ARID1B: variants seen among roughly 807,000 people sequenced by gnomAD.
ARID1B encodes AT-rich interactive domain-containing protein 1B.
A neutral mutation model predicts 212.3 loss-of-function variants in ARID1B; 30 were observed. The observed-to-expected ratio is 0.14, with a 90% confidence interval of 0.11 to 0.19. The LOEUF (loss-of-function observed/expected upper bound fraction) is 0.19. Among genes scored for constraint, ARID1B ranks in the 10% least tolerant of loss-of-function variants. The probability of loss-of-function intolerance (pLI) is 1.00; values close to 1 mark genes in which losing one functional copy is unlikely to be tolerated. For synonymous variants in ARID1B, 1,402 were observed against 1,301.7 expected, an observed-to-expected ratio of 1.08 and a Z score of -1.66; for missense variants, 2,891 against 3,204.0, an observed-to-expected ratio of 0.90 and a Z score of 2.36.
At chr6:157,178,419 C>A (rs1218799306) in intron 11 of ARID1B, among the ~76,000 whole-genome samples, 1 of 152,142 alleles carries the variant, frequency 6.6e-6, no homozygotes, top group East Asian at 1.9e-4. Flanking sequence ...GCAAAACATA[C>A]AGTTTTACAC....
At chr6:157,060,888 A>T (rs1344603480) in intron 4 of ARID1B, among the ~76,000 whole-genome samples, 1 of 152,038 alleles carries the variant, frequency 6.6e-6, no homozygotes, top group African/African-American at 2.4e-5. Context: ...ATCTGTGGTT[A>T]GTTAACTCAC....
At chr6:157,105,624 T>C (rs943142967) in intron 5 of ARID1B, among the ~76,000 whole-genome samples, 7 of 152,114 alleles carry the variant, frequency 4.6e-5, no homozygotes, top group African/African-American at 1.7e-4. Context: ...TTTTTTGAGA[T>C]GGAGTCTTGC....
intron 4 of ARID1B, among the ~76,000 whole-genome samples, chr6:156,961,142 C>T (rs947372034): frequency 3.3e-5 from 5 of 152,186 alleles, no homozygotes; most frequent in Non-Finnish European, 7.4e-5. Context: ...ACAGCTTACT[C>T]CAGAAAGAAG....
chr6:157,037,258 C>T (rs901162315), intron 4 of ARID1B, among the ~76,000 whole-genome samples: 2 of 152,178 alleles, frequency 1.3e-5, no homozygotes, highest in African/African-American at 2.4e-5. Context: ...ATTTATTAAA[C>T]GTCCCCGCTT....
chr6:156,877,075 T>C (rs1397623189), intron 2 of ARID1B, among the ~76,000 whole-genome samples: 1 of 152,088 alleles, frequency 6.6e-6, no homozygotes, highest in Non-Finnish European at 1.5e-5. Flanking sequence ...TTCTGGCCAA[T>C]ATACTCTCAA....
intron 8 of ARID1B, among the ~76,000 whole-genome samples, chr6:157,156,508 A>G (rs1176824129): frequency 1.3e-5 from 2 of 152,246 alleles, no homozygotes; most frequent in Non-Finnish European, 2.9e-5. Flanking sequence ...ATCAAATCAA[A>G]AAGTAGTAAA....
chr6:156,825,777 T>TC (rs1782698301), intron 1 of ARID1B, among the ~76,000 whole-genome samples: 1 of 152,240 alleles, frequency 6.6e-6, no homozygotes. Flanking sequence ...ACTCAGCCTC[T>TC]CCATAGGTCC....
At chr6:156,866,130 T>C (rs1408910678) in intron 2 of ARID1B, among the ~76,000 whole-genome samples, 1 of 152,182 alleles carries the variant, frequency 6.6e-6, no homozygotes, top group Non-Finnish European at 1.5e-5. Flanking sequence ...ACCTTTCTTA[T>C]TGGTCCAGCC....
rs878853084 is a variant in ARID1B, at chr6:156,778,948, C to T, written c.1268C>T (p.Ala423Val). ...GAGGAGAGAV[A>V]AAAAAAAAAA... ...GGAGGAGCAGGAGCGGGAGCTGTGG[C>T]GGCGGCGGCCGCGGCGGCGGCGGCA... The change falls in exon 1 of 20, where the codon GCG (alanine) becomes GTG (valine). Residue 423 changes from alanine (A) to valine (V), a missense_variant. By Grantham distance (64) the Ala-to-Val change is moderately conservative. This residue lies in a region of ARID1B where 1,643 missense variants were observed against 1,544.0 expected (regional missense o/e 1.06). Coordinates refer to ENST00000636930, the MANE Select transcript of ARID1B (RefSeq NM_001374828.1). The T allele has an allele frequency of 2.2e-5, 28 of 1,282,842 alleles. No homozygotes were observed. Among genetic ancestry groups the T allele is most frequent in the Admixed American group, 4.2e-5 (1 of 23,648 alleles). The allele number at this position is 1,282,842 out of a possible 1,614,324, so 79.5% of individuals were successfully genotyped here. A position where few individuals can be genotyped will look rare whatever the true frequency, so the allele number is the denominator to read the frequency against.
chr6:157,186,026 T>C (rs1047590582), intron 13 of ARID1B: 2 of 153,990 alleles, frequency 1.3e-5, no homozygotes, highest in South Asian at 2.0e-4. Context: ...AAACTATTTT[T>C]CCAAAATAAA....
chr6:156,954,981 C>T (rs960152718), intron 4 of ARID1B, among the ~76,000 whole-genome samples: 7 of 152,252 alleles, frequency 4.6e-5, no homozygotes, highest in African/African-American at 1.2e-4. Context: ...GTTGGACCGT[C>T]ACGCTGCCGT....
At chr6:156,995,762 C>G (rs932410844) in intron 4 of ARID1B, among the ~76,000 whole-genome samples, 1 of 152,186 alleles carries the variant, frequency 6.6e-6, no homozygotes, top group Non-Finnish European at 1.5e-5. Flanking sequence ...TAACGTGTTT[C>G]ATGTCATTGA....
At chr6:157,012,458 CATG>C (rs1451973497) in intron 4 of ARID1B, among the ~76,000 whole-genome samples, 2 of 152,182 alleles carry the variant, frequency 1.3e-5, no homozygotes, top group African/African-American at 4.8e-5. Flanking sequence ...ATTGAGAATA[CATG>C]ATGAGGATTA....
chr6:156,907,076 G>A lies in ARID1B; in HGVS notation c.2136+5551G>A, dbSNP rs1236355932. On this transcript the variant is annotated intron_variant, in intron 3 of 19. Coordinates refer to ENST00000636930, the MANE Select transcript of ARID1B (RefSeq NM_001374828.1). ...TAAAATAATACTTTAAAAAATCACT[G>A]CCTTCCTGCTTTTTTGCCTTTCTGC... Among the ~76,000 whole-genome samples the A allele has an allele frequency of 3.9e-5, 6 of 152,078 alleles. No homozygotes were observed. The East Asian group carries it at 1.2e-3, about 29-fold the overall frequency.
intron 2 of ARID1B, among the ~76,000 whole-genome samples, chr6:156,858,805 C>T (rs1481685596): frequency 6.6e-6 from 1 of 152,050 alleles, no homozygotes; most frequent in Non-Finnish European, 1.5e-5. Context: ...ACCACACATA[C>T]CCCATGAATA....
chr6:156,886,774 C>T (rs1787542660), intron 2 of ARID1B, among the ~76,000 whole-genome samples: 1 of 152,168 alleles, frequency 6.6e-6, no homozygotes, highest in Admixed American at 6.5e-5. Flanking sequence ...CTGTGCCGAG[C>T]CTTCCAAGGA....
chr6:157,149,037 C>T (rs1790010260), intron 8 of ARID1B, 86 bp downstream of exon 8: 1 of 1,363,682 alleles, frequency 7.3e-7, no homozygotes, highest in Non-Finnish European at 1.0e-6. Flanking sequence ...GCATTGTTCC[C>T]TGGGGTCACA....
chr6:156,835,074 T>G (rs1157638744), intron 2 of ARID1B, among the ~76,000 whole-genome samples: 1 of 151,778 alleles, frequency 6.6e-6, no homozygotes, highest in Non-Finnish European at 1.5e-5. Flanking sequence ...TTGTCTCTAC[T>G]AAAAAAATAC....
intron 4 of ARID1B, among the ~76,000 whole-genome samples, chr6:156,989,692 G>C (rs148681209): frequency 6.6e-6 from 1 of 152,208 alleles, no homozygotes; most frequent in Non-Finnish European, 1.5e-5. Context: ...GAGTCAGTGA[G>C]ATTCCCCTTG....
Sources: gnomAD v4.1 joint callset for allele counts (sites outside exome capture counted in the v4.1 genomes callset) on GRCh38, gnomAD v4.1.1 for gene constraint, gnomAD v4.1.1 regional missense constraint, MANE v1.5 for transcripts, NCBI Gene and HGNC (gene_info 2026-07-23, HGNC 2026-07-21) for gene names.